Variants in TMEM35B observed in about 807,000 individuals in gnomAD.
TMEM35B encodes the protein transmembrane protein 35B.
Under a neutral mutation model 8.7 loss-of-function variants are expected in TMEM35B, and 6 were observed. The observed-to-expected ratio is 0.69, with a 90% CI of 0.38 to 1.36. TMEM35B has a LOEUF of 1.36. Among genes scored for constraint, TMEM35B ranks in the 40% most tolerant of loss-of-function variants. The pLI is 0.02. For synonymous variants in TMEM35B, 89 were observed against 87.0 expected, an observed-to-expected ratio of 1.02 and a Z score of -0.13; for missense variants, 176 against 181.6, an observed-to-expected ratio of 0.97 and a Z score of 0.18.
chr1:34,985,286 A>G, exon 1 of TMEM35B: 1 of 1,538,554 alleles, frequency 6.5e-7, no homozygotes, highest in Non-Finnish European at 8.8e-7. Context: ...TACACGCAGC[A>G]CCGAAAGCAG....
rs1262042841 is a variant in TMEM35B, at chr1:34,983,640, G to A, written c.289+127C>T. 4.7e-5 allele frequency: 29 copies of A among 612,232 alleles called. No homozygotes were observed. The Admixed American group carries it at 1.2e-3, about 25-fold the overall frequency. The allele number at this position is 612,232 out of a possible 1,614,324, so 37.9% of individuals were successfully genotyped here. A position where few individuals can be genotyped will look rare whatever the true frequency, so the allele number is the denominator to read the frequency against. On this transcript the variant is annotated intron_variant, in intron 2 of 2. Coordinates refer to ENST00000373337, the Ensembl canonical transcript of TMEM35B. ...TAGTTTGAAGACCATGGAAACTGTG[G>A]TAGAGCAGAAAGTGCTCTTGATCCC...
At chr1:34,983,667 G>A (rs1028867841) in intron 2 of TMEM35B, 100 bp downstream of exon 2, 9 of 1,021,328 alleles carry the variant, frequency 8.8e-6, no homozygotes, top group Non-Finnish European at 1.0e-5. Flanking sequence ...CTTGATCCCA[G>A]AGAAAAAAGA....
Position 34,983,926 on chromosome 1 carries a change from C to A in TMEM35B, c.130G>T (p.Ala44Ser), listed in dbSNP as rs1051200301. 37 of 1,521,142 alleles carry A rather than the reference C, an allele frequency of 2.4e-5. No homozygotes were observed. In the Middle Eastern group the frequency reaches 5.1e-4, roughly 21 times the overall value. 94.2% of individuals were successfully genotyped at this position (1,521,142 alleles called of 1,614,324 possible). Reference sequence around the variant, plus strand: ...AATACCTTCAGCGGGAACACCTCAGCAAACTGCACGAACAGGGCATTCTAG... The same window carrying A: ...AATACCTTCAGCGGGAACACCTCAGAAAACTGCACGAACAGGGCATTCTAG... The change falls in exon 2 of 3, where the codon GCT (alanine) becomes TCT (serine). Residue 44 changes from alanine to serine, a missense_variant. Ala to Ser is a moderately conservative substitution (Grantham distance 99, BLOSUM62 1). Transcript: ENST00000373337.
intron 2 of TMEM35B, 131 bp from the exon 3 acceptor site, chr1:34,982,250 G>A (rs963943399): frequency 3.4e-5 from 23 of 673,166 alleles, no homozygotes; most frequent in African/African-American, 5.5e-5. Flanking sequence ...CACTCCTAAC[G>A]CACATTCCCA....
At chr1:34,984,258 G>A (rs1311828791) in intron 1 of TMEM35B, among the ~76,000 whole-genome samples, 1 of 152,218 alleles carries the variant, frequency 6.6e-6, no homozygotes, top group Admixed American at 6.5e-5. Context: ...CTAGTGCCAA[G>A]GCCTGGGGAA....
chr1:34,985,162 G>C, intron 1 of TMEM35B, 36 bp downstream of exon 1: 1 of 1,491,020 alleles, frequency 6.7e-7, no homozygotes, highest in African/African-American at 1.5e-5. Context: ...ACGCCGCCGC[G>C]GGCCCGATCC....
At chr1:34,981,608 A>ATAT (rs1439648313) in exon 3 of TMEM35B, 2 of 155,714 alleles carry the variant, frequency 1.3e-5, no homozygotes, top group African/African-American at 4.8e-5. Flanking sequence ...ATTTAAAAAA[A>ATAT]ATATATATCT....
At chr1:34,984,230 G>T (rs1025916224) in intron 1 of TMEM35B, among the ~76,000 whole-genome samples, 1 of 152,210 alleles carries the variant, frequency 6.6e-6, no homozygotes, top group East Asian at 1.9e-4. Flanking sequence ...CCAGGAGGAG[G>T]GGGCTGGGCT....
exon 1 of TMEM35B, chr1:34,985,293 G>A (rs973037339): frequency 5.2e-6 from 8 of 1,534,852 alleles, no homozygotes; most frequent in African/African-American, 2.8e-5. Context: ...AGCACCGAAA[G>A]CAGGAGCGCC....
chr1:34,982,864 C>G (rs1361171110), intron 2 of TMEM35B, among the ~76,000 whole-genome samples: 2 of 152,142 alleles, frequency 1.3e-5, no homozygotes, highest in South Asian at 2.1e-4. Context: ...TGGGAAAGAT[C>G]TGAAAATGGG....
chr1:34,982,815 G>A (rs1640521830), intron 2 of TMEM35B, among the ~76,000 whole-genome samples: 1 of 152,160 alleles, frequency 6.6e-6, no homozygotes, highest in Non-Finnish European at 1.5e-5. Flanking sequence ...AGATTAAGAT[G>A]GAGGGAAGGA....
intron 2 of TMEM35B, among the ~76,000 whole-genome samples, 186 bp downstream of exon 2, chr1:34,983,578 CAAA>C (rs1163962621): frequency 0.042 from 970 of 23,004 alleles, 11 homozygotes; most frequent in African/African-American, 0.12. Context: ...GACTCCATCT[CAAA>C]AAAAAAAAAA....
chr1:34,984,915 CG>C lies in TMEM35B; in HGVS notation c.108+282del, dbSNP rs201080333. Reference sequence around the variant, plus strand: ...CACCGCATCATCCTCCCCCAGGGTCCGGGGGGGTGGGAGGGACCTCCTAAGG... The same window carrying C: ...CACCGCATCATCCTCCCCCAGGGTCCGGGGGGTGGGAGGGACCTCCTAAGG... On this transcript the variant is annotated intron_variant, in intron 1 of 2. Transcript: ENST00000373337. Among the ~76,000 whole-genome samples, 533 of 142,420 alleles carry C rather than the reference CG, an allele frequency of 3.7e-3. 6 individuals carry two copies. The highest frequency in any genetic ancestry group is 0.012 in the African/African-American group (483 of 40,004). The allele number at this position is 142,420 out of a possible 152,430, so 93.4% of individuals were successfully genotyped here.
chr1:34,985,122 C>G, intron 1 of TMEM35B, 76 bp downstream of exon 1: 1 of 1,205,528 alleles, frequency 8.3e-7, no homozygotes, highest in Non-Finnish European at 1.1e-6. Flanking sequence ...GCCTGCCGGG[C>G]CGGGGGCGAG....
intron 2 of TMEM35B, among the ~76,000 whole-genome samples, chr1:34,982,816 G>T (rs1372143248): frequency 6.6e-6 from 1 of 152,188 alleles, no homozygotes; most frequent in Non-Finnish European, 1.5e-5. Flanking sequence ...GATTAAGATG[G>T]AGGGAAGGAC....
intron 1 of TMEM35B, among the ~76,000 whole-genome samples, chr1:34,984,481 T>C (rs1640542619): frequency 1.3e-5 from 2 of 152,214 alleles, no homozygotes; most frequent in South Asian, 4.1e-4. Context: ...TCAGCTCTGC[T>C]GGGAAGCAGC....
In TMEM35B at chr1:34,985,319, C is replaced by A. The variant is rs747553730; in HGVS notation, c.-14G>T. 1.0e-5 allele frequency: 16 copies of A among 1,523,906 alleles called. No individual in the cohort carries two copies. In the Middle Eastern group the frequency reaches 1.9e-3, roughly 176 times the overall value. 94.4% of individuals were successfully genotyped at this position (1,523,906 alleles called of 1,614,324 possible). On this transcript the variant is annotated 5_prime_UTR_variant, in exon 1 of 3. Coordinates refer to ENST00000373337, the Ensembl canonical transcript of TMEM35B. ...CAGGAGCGCCATGGCCGCGCTCCCC[C>A]CACCGTGGGTTGGCCCCGCCGAAAA... is the stretch of plus-strand genomic sequence containing the variant.
At chr1:34,984,053 A>G in intron 1 of TMEM35B, 106 bp from the exon 2 acceptor site, 1 of 1,142,900 alleles carries the variant, frequency 8.7e-7, no homozygotes, top group Non-Finnish European at 1.2e-6. Context: ...CCCAGAGAAA[A>G]GAACTACTAC....
chr1:34,984,464 C>T (rs891141076), intron 1 of TMEM35B, among the ~76,000 whole-genome samples: 5 of 152,208 alleles, frequency 3.3e-5, no homozygotes, highest in African/African-American at 1.2e-4. Flanking sequence ...AGCTCTACCT[C>T]CCCTCCTCAG....
Sources: allele counts gnomAD v4.1 joint callset (sites outside exome capture counted in the v4.1 genomes callset), GRCh38; gene constraint gnomAD v4.1.1; transcripts MANE v1.5; gene names NCBI Gene and HGNC (gene_info 2026-07-23, HGNC 2026-07-21).